The following L3MBTL3 variants were observed in gnomAD, a reference collection of about 807,000 sequenced individuals.
The protein encoded by L3MBTL3 is lethal(3)malignant brain tumor-like protein 3.
A neutral mutation model predicts 102.3 loss-of-function variants in L3MBTL3; 27 were observed. That is an observed-to-expected ratio of 0.26 (90% CI 0.19 to 0.36). The LOEUF is 0.36. Ranked by LOEUF, L3MBTL3 falls within the 10% of genes least tolerant of loss-of-function variation. The probability of loss-of-function intolerance (pLI) is 1.00; values close to 1 mark genes in which losing one functional copy is unlikely to be tolerated. For missense variants in L3MBTL3, 798 were observed against 955.3 expected (o/e 0.84, Z 2.17); for synonymous variants, 340 against 320.9 (o/e 1.06, Z -0.64).
At chr6:130,120,806 G>C in intron 19 of L3MBTL3, 73 bp from the exon 20 acceptor site, 1 of 1,080,504 alleles carries the variant, frequency 9.3e-7, no homozygotes, top group Non-Finnish European at 1.4e-6. Flanking sequence ...AAAAGCACTT[G>C]TTGAGATGTA....
chr6:130,072,667 C>T (rs572426892), intron 13 of L3MBTL3, among the ~76,000 whole-genome samples: 2 of 152,270 alleles, frequency 1.3e-5, no homozygotes, highest in Admixed American at 6.5e-5. Flanking sequence ...CCTCTGTATT[C>T]CTACTCCTAA....
intron 20 of L3MBTL3, among the ~76,000 whole-genome samples, chr6:130,121,175 G>C (rs986975689): frequency 1.3e-5 from 2 of 152,116 alleles, no homozygotes; most frequent in Non-Finnish European, 2.9e-5. Flanking sequence ...CATCACCCAC[G>C]AATTAAGCCC....
chr6:130,078,420 A>C (rs1305792192), intron 13 of L3MBTL3, 138 bp from the exon 14 acceptor site: 2 of 556,182 alleles, frequency 3.6e-6, no homozygotes, highest in African/African-American at 3.9e-5. Flanking sequence ...TTGGTTTAGC[A>C]TTTTTTTCCA....
Position 130,049,510 on chromosome 6 carries a change from G to A in L3MBTL3, c.214+117G>A, listed in dbSNP as rs1044918557. 6.7e-6 allele frequency: 5 copies of A among 744,302 alleles called. No individual in the cohort carries two copies. In the African/African-American group the frequency reaches 7.1e-5, roughly 11 times the overall value. 46.1% of individuals were successfully genotyped at this position (744,302 alleles called of 1,614,324 possible). ...GCCCCGGGTAATTTTTGTGCCTCAT[G>A]TTGTTAGGTAAATTTCTATAATGAA... On this transcript the variant is annotated intron_variant, in intron 4 of 22. Coordinates refer to ENST00000361794, the MANE Select transcript of L3MBTL3 (RefSeq NM_032438.4).
At chr6:130,048,489 T>C (rs1647094042) in intron 3 of L3MBTL3, among the ~76,000 whole-genome samples, 1 of 152,060 alleles carries the variant, frequency 6.6e-6, no homozygotes, top group Non-Finnish European at 1.5e-5. Context: ...ACCAGGTTGT[T>C]GTAGAAACAT....
intron 18 of L3MBTL3, among the ~76,000 whole-genome samples, chr6:130,103,097 T>C (rs553719430): frequency 7.4e-4 from 113 of 152,342 alleles, no homozygotes; most frequent in African/African-American, 2.6e-3. Flanking sequence ...ATTTGTTGCA[T>C]GAAATGCTTT....
intron 1 of L3MBTL3, chr6:130,020,654 C>G (rs1778942492): frequency 6.6e-6 from 1 of 152,224 alleles, no homozygotes; most frequent in East Asian, 1.9e-4. Flanking sequence ...CCCCACCCTT[C>G]CACGGGAGAC....
Position 130,075,978 on chromosome 6 carries a change from G to T in L3MBTL3, c.1245-2580G>T, listed in dbSNP as rs180750008. 1.3e-4 allele frequency among the ~76,000 whole-genome samples: 20 copies of T among 152,270 alleles called. No individual in the cohort carries two copies. The East Asian group carries it at 3.7e-3, about 28-fold the overall frequency. ...TTAATATTTCAAACAGCTACTGTGG[G>T]TAATAGAATTGGACATGAATTAGGG... On this transcript the variant is annotated intron_variant, in intron 13 of 22. Transcript: ENST00000361794.
chr6:130,087,017 A>G (rs900505180), intron 16 of L3MBTL3, among the ~76,000 whole-genome samples: 8 of 152,202 alleles, frequency 5.3e-5, no homozygotes, highest in African/African-American at 1.9e-4. Context: ...TATCACTTTT[A>G]CTGATGAGGC....
chr6:130,118,976 AC>A (rs1785926259), intron 19 of L3MBTL3, among the ~76,000 whole-genome samples: 4 of 152,164 alleles, frequency 2.6e-5, no homozygotes, highest in Admixed American at 2.6e-4. Flanking sequence ...AAACAAGGGA[AC>A]TTTTTTCATA....
At chr6:130,111,333 A>G (rs773280660) in intron 19 of L3MBTL3, among the ~76,000 whole-genome samples, 9 of 152,188 alleles carry the variant, frequency 5.9e-5, no homozygotes, top group Non-Finnish European at 1.0e-4. Flanking sequence ...AACTACTGAA[A>G]CACCAATTTC....
At chr6:130,043,156 A>C (rs1780528724) in intron 3 of L3MBTL3, among the ~76,000 whole-genome samples, 1 of 152,198 alleles carries the variant, frequency 6.6e-6, no homozygotes, top group Non-Finnish European at 1.5e-5. Flanking sequence ...ATTTTGTAGT[A>C]ATGGGCTTTG....
Position 130,065,037 on chromosome 6 carries a change from A to G in L3MBTL3, c.865-1316A>G, listed in dbSNP as rs894264294. Reference sequence around the variant, plus strand: ...GCTCCTGCTTTACCTGAGAGATTGTATTTCCCAGGGATTCCAGTCTCAGCT... The same window carrying G: ...GCTCCTGCTTTACCTGAGAGATTGTGTTTCCCAGGGATTCCAGTCTCAGCT... On this transcript the variant is annotated intron_variant, in intron 10 of 22. Transcript: ENST00000361794. Among the ~76,000 whole-genome samples, 27 of 149,594 alleles carry G rather than the reference A, an allele frequency of 1.8e-4. No homozygotes were observed. In the Admixed American group the frequency reaches 1.8e-3, roughly 10 times the overall value.
chr6:130,120,834 T>A (rs566516822), intron 19 of L3MBTL3, 45 bp from the exon 20 acceptor site: 634 of 1,452,270 alleles, frequency 4.4e-4, no homozygotes, highest in Non-Finnish European at 5.5e-4. Flanking sequence ...ACCATTTTTT[T>A]AAAATGTTTC....
At chr6:130,027,942 AAT>A (rs1406602660) in intron 2 of L3MBTL3, among the ~76,000 whole-genome samples, 1 of 152,144 alleles carries the variant, frequency 6.6e-6, no homozygotes, top group Non-Finnish European at 1.5e-5. Context: ...CACTTTAAAA[AAT>A]ATGTCTGACT....
intron 22 of L3MBTL3, among the ~76,000 whole-genome samples, chr6:130,134,740 C>T (rs7763267): frequency 0.13 from 19,728 of 152,142 alleles, 2,167 homozygotes; most frequent in African/African-American, 0.29. Flanking sequence ...TACAGTTACA[C>T]GCATACACAA....
chr6:130,106,335 ATGAG>A (rs1784978912), intron 19 of L3MBTL3, among the ~76,000 whole-genome samples: 1 of 152,194 alleles, frequency 6.6e-6, no homozygotes, highest in Non-Finnish European at 1.5e-5. Context: ...TTCTGCAAAA[ATGAG>A]TGGGTTTGAA....
chr6:130,139,013 C>A (rs1788017690), intron 22 of L3MBTL3, among the ~76,000 whole-genome samples: 1 of 152,116 alleles, frequency 6.6e-6, no homozygotes, highest in Admixed American at 6.5e-5. Context: ...AGAAGAACCA[C>A]CTTAAAGTCA....
At chr6:130,121,368 C>A (rs369671150) in intron 20 of L3MBTL3, among the ~76,000 whole-genome samples, 11 of 152,280 alleles carry the variant, frequency 7.2e-5, no homozygotes, top group East Asian at 3.9e-4. Context: ...AGAGTAATAG[C>A]CTCCAGCTCC....
Sources: gnomAD v4.1 joint callset for allele counts (sites outside exome capture counted in the v4.1 genomes callset) on GRCh38, gnomAD v4.1.1 for gene constraint, MANE v1.5 for transcripts, NCBI Gene and HGNC (gene_info 2026-07-23, HGNC 2026-07-21) for gene names.